PTPRN: variants seen among roughly 807,000 people sequenced by gnomAD.
PTPRN encodes the protein receptor-type tyrosine-protein phosphatase-like N.
A neutral mutation model predicts 108.5 loss-of-function variants in PTPRN; 70 were observed. The observed-to-expected ratio is 0.65, with a 90% CI of 0.53 to 0.79. The LOEUF is 0.79. Ranked by LOEUF, PTPRN falls within the 30% of genes least tolerant of loss-of-function variation. PTPRN has a pLI of 0.00. For missense variants in PTPRN, 1,136 were observed against 1,295.5 expected, an observed-to-expected ratio of 0.88 and a Z score of 1.89; for synonymous variants, 496 against 524.6, an observed-to-expected ratio of 0.95 and a Z score of 0.75.
At chr2:219,299,876 C>T in intron 9 of PTPRN, 90 bp from the exon 10 acceptor site, 2 of 1,562,854 alleles carry the variant, frequency 1.3e-6, no homozygotes, top group Non-Finnish European at 8.7e-7. Flanking sequence ...ACAGAGCAGC[C>T]TGCCAATTCC....
At position 219,298,079 on chromosome 2, in the gene PTPRN, G is replaced by A; in HGVS notation, c.1693C>T (p.Pro565Ser). The A allele has an allele frequency of 6.2e-7, 1 of 1,613,674 alleles. No individual in the cohort carries two copies. The highest frequency in any genetic ancestry group is 8.5e-7 in the Non-Finnish European group (1 of 1,179,930). Residue 565 changes from proline (P) to serine (S), a missense_variant, in exon 13 of 23, where the codon CCC becomes TCC. Transcript: ENST00000295718. Reference sequence around the variant, plus strand: ...GGTGAGGTGCTGTGCGCAGTTTGGGGAAGGACTGCAGCTGCCTCCTCCCTC... The same window carrying A: ...GGTGAGGTGCTGTGCGCAGTTTGGGAAAGGACTGCAGCTGCCTCCTCCCTC... ...GQREEAAAVL[P>S]QTAHSTSPMR...
rs138463958 is a variant in PTPRN, at chr2:219,297,314, G to A, written c.2007C>T (p.Pro669=). The part of the protein sequence containing the change: ...SQFSDAAQAS[P]SSHSSTPSWC... Reference sequence around the variant, plus strand: ...AGGACGGGGTGCTGCTGTGGGAGCTGGGGCTGGCCTGGGCTGCGTCGCTGA... The same window carrying A: ...AGGACGGGGTGCTGCTGTGGGAGCTAGGGCTGGCCTGGGCTGCGTCGCTGA... The change falls in exon 14 of 23, where the codon CCC becomes CCT. Residue 669 remains proline (P), a synonymous_variant. Coordinates refer to ENST00000295718, the MANE Select transcript of PTPRN (RefSeq NM_002846.4). This position sits in a 1 kb window ranked among gnomAD's most constrained non-coding sequence, Gnocchi z 6.0. 2 of 1,614,084 alleles carry A rather than the reference G, an allele frequency of 1.2e-6. No individual in the cohort carries two copies. The highest frequency in any genetic ancestry group is 2.7e-5 in the African/African-American group (2 of 75,062).
chr2:219,294,040 C>T, intron 19 of PTPRN: 2 of 502,290 alleles, frequency 4.0e-6, no homozygotes, highest in East Asian at 5.7e-5. Context: ...CAGTCTTTGC[C>T]TCTTCCCTGT....
intron 8 of PTPRN, 27 bp from the exon 9 acceptor site, chr2:219,300,286 C>G: frequency 6.5e-7 from 1 of 1,530,852 alleles, no homozygotes; most frequent in South Asian, 1.3e-5. Context: ...GGAGGTGTGG[C>G]CTCTGGACAG....
chr2:219,301,402 C>G (rs1338196091), intron 7 of PTPRN, among the ~76,000 whole-genome samples, 186 bp downstream of exon 7: 1 of 152,188 alleles, frequency 6.6e-6, no homozygotes, highest in Non-Finnish European at 1.5e-5. Flanking sequence ...CCTGATCTAA[C>G]TCCTAAGCTT....
chr2:219,301,756 C>A (rs567305425), intron 6 of PTPRN, 37 bp from the exon 7 acceptor site: 4 of 1,582,486 alleles, frequency 2.5e-6, no homozygotes, highest in Non-Finnish European at 3.5e-6. Flanking sequence ...GGGCTGATTG[C>A]GCAGTGAACT....
rs766287143 is a variant in PTPRN at position 219,297,327 on chromosome 2, G to A, written c.1994C>T (p.Ala665Val). 1.2e-6 allele frequency: 2 copies of A among 1,614,012 alleles called. No homozygotes were observed. Among genetic ancestry groups the A allele is most frequent in the South Asian group, 2.2e-5 (2 of 91,090 alleles). ...SSVSSQFSDAAQASPSSHSST... is the reference protein window; with the variant it reads ...SSVSSQFSDAVQASPSSHSST... ...GCTGTGGGAGCTGGGGCTGGCCTGG[G>A]CTGCGTCGCTGAACTGGGAGGACAC... is the stretch of plus-strand genomic sequence containing the variant. The change falls in exon 14 of 23, where the codon GCC becomes GTC. Residue 665 changes from alanine (A) to valine (V), a missense_variant. Transcript: ENST00000295718. The surrounding 1 kb of genome is among the most constrained non-coding windows in gnomAD (Gnocchi z 6.0).
chr2:219,299,276 C>T (rs1952280695), intron 11 of PTPRN, 29 bp downstream of exon 11: 2 of 1,612,012 alleles, frequency 1.2e-6, no homozygotes, highest in South Asian at 2.2e-5. Flanking sequence ...TGGGGCCAAG[C>T]CTGGGATTGA....
At chr2:219,291,771 C>T (rs1952060278) in intron 19 of PTPRN, 3 of 565,272 alleles carry the variant, frequency 5.3e-6, no homozygotes, top group South Asian at 4.1e-5. Context: ...CTGATTTAAC[C>T]TCTTTGAGCC....
chr2:219,302,981 G>T, intron 4 of PTPRN, 144 bp from the exon 5 acceptor site: 2 of 636,516 alleles, frequency 3.1e-6, no homozygotes, highest in Non-Finnish European at 4.8e-6. Flanking sequence ...CAGGGGAAGA[G>T]AGATGGGCTG....
Position 219,299,777 on chromosome 2 carries a change from G to T in PTPRN, c.1446C>A (p.Ser482Arg), listed in dbSNP as rs779645658. The T allele has an allele frequency of 1.2e-6, 2 of 1,608,780 alleles. No homozygotes were observed. Among genetic ancestry groups the T allele is most frequent in the African/African-American group, 1.3e-5 (1 of 74,810 alleles). Residue 482 changes from serine (S) to arginine (R), a missense_variant, in exon 10 of 23, where the codon AGC (serine) becomes AGA (arginine). Ser to Arg is a moderately radical substitution (Grantham distance 110). Transcript: ENST00000295718. ...CCAGCAGCTTCACTCCTGCAGCCAG[G>T]CTCAGGGGCCTGGAGATGGGAGAAG... ...GYIVTDQKPL[S>R]LAAGVKLLEI...
chr2:219,298,133 G>T (rs1182350538), intron 12 of PTPRN, 30 bp from the exon 13 acceptor site: 4 of 1,600,914 alleles, frequency 2.5e-6, no homozygotes, highest in Non-Finnish European at 2.6e-6. Flanking sequence ...ATCAAGGGAG[G>T]CAGTGGCATA....
intron 3 of PTPRN, 104 bp from the exon 4 acceptor site, chr2:219,303,935 G>T (rs890957478): frequency 1.8e-5 from 15 of 814,354 alleles, no homozygotes; most frequent in Middle Eastern, 2.4e-4. Flanking sequence ...AGCTCATGGG[G>T]TTTGTCAGAG....
rs374871697 is a variant in PTPRN at position 219,290,956 on chromosome 2, C to T, written c.2730-66G>A. The T allele has an allele frequency of 7.2e-6, 11 of 1,524,776 alleles. No individual in the cohort carries two copies. The highest frequency in any genetic ancestry group is 4.5e-5 in the East Asian group (2 of 44,350). 94.5% of individuals were successfully genotyped at this position (1,524,776 alleles called of 1,614,324 possible). On this transcript the variant is annotated intron_variant, in intron 20 of 22. Transcript: ENST00000295718. The surrounding 1 kb of genome is among the most constrained non-coding windows in gnomAD (Gnocchi z 4.2). ...CAGAAAGGGGGAGGGACGGAGGAGGCGAGGAGGCCTGGAGGCCTGGGGGAG... is the reference window on the plus strand; with the variant it reads ...CAGAAAGGGGGAGGGACGGAGGAGGTGAGGAGGCCTGGAGGCCTGGGGGAG...
At position 219,301,602 on chromosome 2, in the gene PTPRN, G is replaced by C. The variant is rs1288185161; in HGVS notation, c.1112C>G (p.Ala371Gly). Residue 371 changes from alanine (A) to glycine (G), a missense_variant, in exon 7 of 23, where the codon GCA (alanine) becomes GGA (glycine). Coordinates refer to ENST00000295718, the MANE Select transcript of PTPRN (RefSeq NM_002846.4). ...TGGACACTTACCCGGATTTCTTCCT[G>C]CACCCTTGGGCAGTAGCTGCAGCAG... ...LTLLQLLPKG[A>G]GRNPGGVVNV... 6.8e-6 allele frequency: 11 copies of C among 1,608,058 alleles called. No individual in the cohort carries two copies. The highest frequency in any genetic ancestry group is 8.5e-6 in the Non-Finnish European group (10 of 1,175,086).
intron 3 of PTPRN, among the ~76,000 whole-genome samples, chr2:219,305,555 G>C (rs114940245): frequency 2.0e-5 from 3 of 152,044 alleles, no homozygotes; most frequent in African/African-American, 7.2e-5. Flanking sequence ...CCTTTTAATA[G>C]AAGAATTATC....
chr2:219,300,848 A>G (rs1024619821), intron 8 of PTPRN, 95 bp downstream of exon 8: 3 of 1,392,604 alleles, frequency 2.2e-6, no homozygotes, highest in Non-Finnish European at 3.0e-6. Flanking sequence ...GGGTGGGAGG[A>G]TACAGATTCT....
Position 219,299,799 on chromosome 2 carries a change from G to T in PTPRN, c.1437-13C>A. Reference sequence around the variant, plus strand: ...CAGGCTCAGGGGCCTGGAGATGGGAGAAGGCAGAGGAAGGAAAGTGGGGCA... The same window carrying T: ...CAGGCTCAGGGGCCTGGAGATGGGATAAGGCAGAGGAAGGAAAGTGGGGCA... On this transcript the variant is annotated splice_polypyrimidine_tract_variant and intron_variant, in intron 9 of 22. Coordinates refer to ENST00000295718, the MANE Select transcript of PTPRN (RefSeq NM_002846.4). 22 of 1,595,104 alleles carry T rather than the reference G, an allele frequency of 1.4e-5. No individual in the cohort carries two copies. Among genetic ancestry groups the T allele is most frequent in the Non-Finnish European group, 1.9e-5 (22 of 1,168,572 alleles).
rs1316975805 is a variant in PTPRN, at chr2:219,299,216, TCAAGGGGGCATCAG to T, written c.1603+75_1603+88del. ...AGGGCCCATGTGGGCTGGGAACATT[TCAAGGGGGCATCAG>T]CAACAGGCCTGGATATATCCTCTTA... On this transcript the variant is annotated intron_variant, in intron 11 of 22. Coordinates refer to ENST00000295718, the MANE Select transcript of PTPRN (RefSeq NM_002846.4). The T allele has an allele frequency of 1.9e-6, 3 of 1,600,516 alleles. No individual in the cohort carries two copies. The African/African-American group carries it at 4.0e-5, about 21-fold the overall frequency.
Sources: allele counts gnomAD v4.1 joint callset (sites outside exome capture counted in the v4.1 genomes callset), GRCh38; gene constraint gnomAD v4.1.1; non-coding constraint Gnocchi (gnomAD v3.1); transcripts MANE v1.5; gene names NCBI Gene and HGNC (gene_info 2026-07-23, HGNC 2026-07-21).